Variants in SIRT5 observed in about 807,000 individuals in gnomAD.
SIRT5 encodes sirtuin 5, also known as NAD-dependent protein deacylase sirtuin-5, mitochondrial.
Under a neutral mutation model 40.0 loss-of-function variants are expected in SIRT5, and 26 were observed. The ratio of observed to expected loss-of-function variants is 0.65; its 90% CI spans 0.48 to 0.90. The LOEUF is 0.90. Among genes scored for constraint, SIRT5 ranks in the 40% least tolerant of loss-of-function variants. The pLI is 0.00. For missense variants in SIRT5, 401 were observed against 402.4 expected, an observed-to-expected ratio of 1.00 and a Z score of 0.03; for synonymous variants, 146 against 149.1, an observed-to-expected ratio of 0.98 and a Z score of 0.15.
At chr6:13,596,001 A>G (rs1761527202) in intron 6 of SIRT5, among the ~76,000 whole-genome samples, 1 of 152,178 alleles carries the variant, frequency 6.6e-6, no homozygotes, top group South Asian at 2.1e-4. Context: ...CAAAAAACAA[A>G]CAAACAAACA....
chr6:13,600,883 T>A lies in SIRT5; in HGVS notation c.791T>A (p.Val264Glu). Residue 264 changes from valine (V) to glutamate (E), a missense_variant, in exon 9 of 10, where the codon GTG (valine) becomes GAG (glutamate). Physicochemically the swap from Val to Glu is moderately radical, Grantham distance 121. Coordinates refer to ENST00000606117, the MANE Select transcript of SIRT5 (RefSeq NM_012241.5). The stretch of plus-strand genomic sequence containing the variant: ...CCAGCAGCCATGTTTGCCCCCCAGG[T>A]GGCTGCCAGGGGCGTGCCAGTGGCT... ...VYPAAMFAPQVAARGVPVAEF... is the reference protein window; with the variant it reads ...VYPAAMFAPQEAARGVPVAEF... The A allele has an allele frequency of 6.2e-7, 1 of 1,614,156 alleles. No individual in the cohort carries two copies. Among genetic ancestry groups the A allele is most frequent in the Non-Finnish European group, 8.5e-7 (1 of 1,180,024 alleles).
chr6:13,593,135 C>T (rs1045105251), intron 5 of SIRT5, among the ~76,000 whole-genome samples: 2 of 152,096 alleles, frequency 1.3e-5, no homozygotes, highest in Non-Finnish European at 2.9e-5. Context: ...TGGTCTCAAA[C>T]TCTTGGCCTC....
chr6:13,578,799 A>G (rs1758969851), intron 1 of SIRT5, among the ~76,000 whole-genome samples: 1 of 151,886 alleles, frequency 6.6e-6, no homozygotes, highest in Non-Finnish European at 1.5e-5. Flanking sequence ...CCTTTTTCAC[A>G]GAGAACATAC....
intron 7 of SIRT5, 36 bp downstream of exon 7, chr6:13,597,052 G>C (rs1466021670): frequency 6.5e-7 from 1 of 1,533,520 alleles, no homozygotes; most frequent in South Asian, 1.2e-5. Context: ...TGGTGTTCCA[G>C]GTTACCAAAA....
At chr6:13,577,770 T>C (rs535689852) in intron 1 of SIRT5, among the ~76,000 whole-genome samples, 2 of 150,378 alleles carry the variant, frequency 1.3e-5, no homozygotes, top group African/African-American at 4.9e-5. Context: ...AGAAAACATA[T>C]ATAGAAAAAT....
intron 7 of SIRT5, among the ~76,000 whole-genome samples, chr6:13,597,951 G>A (rs1218078433): frequency 6.6e-6 from 1 of 152,000 alleles, no homozygotes; most frequent in African/African-American, 2.4e-5. Context: ...AACATGTTAG[G>A]CACTCAAATA....
chr6:13,590,472 T>G (rs1310584923), intron 4 of SIRT5, among the ~76,000 whole-genome samples: 1 of 152,150 alleles, frequency 6.6e-6, no homozygotes, highest in African/African-American at 2.4e-5. Context: ...TGTGTGTAGC[T>G]GTGTATATAT....
intron 9 of SIRT5, among the ~76,000 whole-genome samples, chr6:13,603,233 C>G (rs1161983297): frequency 6.8e-6 from 1 of 146,810 alleles, no homozygotes; most frequent in Non-Finnish European, 1.5e-5. Context: ...GCCGAGATCG[C>G]GCCACTGCAC....
rs1004110652 is a variant in SIRT5, at chr6:13,607,552, GT to G, written c.858-4237del. On this transcript the variant is annotated intron_variant, in intron 9 of 9. Transcript: ENST00000606117. The surrounding 1 kb of genome is among the most constrained non-coding windows in gnomAD (Gnocchi z 4.0). Reference sequence around the variant, plus strand: ...GATTACATTAACCAATGCAAGTGGCGTGAGCAGATGTGCAGCTAACACTGTA... The same window carrying G: ...GATTACATTAACCAATGCAAGTGGCGGAGCAGATGTGCAGCTAACACTGTA... Among the ~76,000 whole-genome samples, 1 of 152,180 alleles carries G rather than the reference GT, an allele frequency of 6.6e-6. No homozygotes were observed. Among genetic ancestry groups the G allele is most frequent in the Admixed American group, 6.5e-5 (1 of 15,274 alleles).
At chr6:13,579,935 A>G (rs558927524) in intron 2 of SIRT5, among the ~76,000 whole-genome samples, 3 of 152,246 alleles carry the variant, frequency 2.0e-5, no homozygotes, top group Non-Finnish European at 2.9e-5. Context: ...AAGTTTGTCA[A>G]AAGTTTATCA....
intron 8 of SIRT5, among the ~76,000 whole-genome samples, chr6:13,599,973 T>G (rs1013263467): frequency 6.6e-6 from 1 of 152,252 alleles, no homozygotes; most frequent in African/African-American, 2.4e-5. Flanking sequence ...CATCTTTCAA[T>G]TGACTGTATG....
At chr6:13,578,541 C>T (rs1758915865) in intron 1 of SIRT5, among the ~76,000 whole-genome samples, 1 of 144,236 alleles carries the variant, frequency 6.9e-6, no homozygotes, top group African/African-American at 2.6e-5. Flanking sequence ...GGCATGAACC[C>T]GGGAGGTGGA....
At chr6:13,606,967 C>G (rs1260683952) in intron 9 of SIRT5, among the ~76,000 whole-genome samples, 2 of 151,938 alleles carry the variant, frequency 1.3e-5, no homozygotes, top group Non-Finnish European at 2.9e-5. Context: ...CAGGCGTGAG[C>G]CAACACACTT....
intron 3 of SIRT5, among the ~76,000 whole-genome samples, chr6:13,587,547 C>G (rs1760242249): frequency 6.6e-6 from 1 of 152,198 alleles, no homozygotes; most frequent in South Asian, 2.1e-4. Context: ...TGGCATAGCA[C>G]TTGGGGTGCA....
chr6:13,582,631 A>T (rs1759497741), intron 2 of SIRT5, among the ~76,000 whole-genome samples: 1 of 150,704 alleles, frequency 6.6e-6, no homozygotes, highest in African/African-American at 2.4e-5. Context: ...AAAAAAAAAA[A>T]TTCCCGCATG....
chr6:13,584,548 G>A (rs1324620889), intron 3 of SIRT5, among the ~76,000 whole-genome samples: 6 of 151,938 alleles, frequency 3.9e-5, no homozygotes, highest in South Asian at 2.1e-4. Flanking sequence ...ATGGGGTTTC[G>A]CCATGTTGGC....
At chr6:13,589,431 C>T (rs1424754346) in intron 4 of SIRT5, 1 of 152,264 alleles carries the variant, frequency 6.6e-6, no homozygotes, top group East Asian at 1.9e-4. Flanking sequence ...CGCCCGGCCT[C>T]TGTTTGTTTT....
At chr6:13,581,535 T>C (rs901769307) in intron 2 of SIRT5, among the ~76,000 whole-genome samples, 6 of 152,242 alleles carry the variant, frequency 3.9e-5, no homozygotes, top group African/African-American at 1.4e-4. Flanking sequence ...TGCCAGCTTT[T>C]CTACTATAGA....
chr6:13,609,231 C>G (rs185598982), intron 9 of SIRT5, among the ~76,000 whole-genome samples: 3 of 152,218 alleles, frequency 2.0e-5, no homozygotes, highest in African/African-American at 4.8e-5. Flanking sequence ...CTGTTCTAAC[C>G]CAATCCTCCT....
Sources: allele counts gnomAD v4.1 joint callset (sites outside exome capture counted in the v4.1 genomes callset), GRCh38; gene constraint gnomAD v4.1.1; non-coding constraint Gnocchi (gnomAD v3.1); transcripts MANE v1.5; gene names NCBI Gene and HGNC (gene_info 2026-07-23, HGNC 2026-07-21).